Variants in GORAB observed in about 807,000 individuals in gnomAD.
GORAB encodes the protein RAB6-interacting golgin.
Under a neutral mutation model 29.9 loss-of-function variants are expected in GORAB, and 17 were observed. The observed-to-expected ratio is 0.57, with a 90% CI of 0.39 to 0.85. The LOEUF (loss-of-function observed/expected upper bound fraction) is 0.85, where lower values mean the gene tolerates loss of function less well. GORAB is among the 40% of genes least tolerant of loss of function. GORAB has a pLI of 0.00. For synonymous variants in GORAB, 183 were observed against 157.2 expected, an observed-to-expected ratio of 1.16 and a Z score of -1.23; for missense variants, 442 against 437.8, an observed-to-expected ratio of 1.01 and a Z score of -0.09.
At position 170,552,017 on chromosome 1, in the gene GORAB, A is replaced by G. The variant is rs201776076; in HGVS notation, c.665A>G (p.Lys222Arg). 393 of 1,613,530 alleles carry G rather than the reference A, an allele frequency of 2.4e-4. 2 individuals are homozygous for G. The highest frequency in any genetic ancestry group is 3.4e-5 in the Non-Finnish European group (40 of 1,179,578). ...QASLDYSYAR[K>R]RFDRAEAEYI... ...TATCTTTATACACATCCTTACAGGAAGCGGTTTGACAGGGCTGAAGCAGAG... is the reference window on the plus strand; with the variant it reads ...TATCTTTATACACATCCTTACAGGAGGCGGTTTGACAGGGCTGAAGCAGAG... The change falls in exon 5 of 5, where the codon AAG becomes AGG. Residue 222 changes from lysine (K) to arginine (R), a missense_variant and splice_region_variant. Lys to Arg is a conservative substitution (Grantham distance 26, BLOSUM62 2). Coordinates refer to ENST00000367763, the MANE Select transcript of GORAB (RefSeq NM_152281.3).
At chr1:170,543,097 T>C (rs1410377045) in intron 3 of GORAB, among the ~76,000 whole-genome samples, 1 of 152,216 alleles carries the variant, frequency 6.6e-6, no homozygotes, top group Non-Finnish European at 1.5e-5. Context: ...TAACTTTTTA[T>C]TGATGACTCA....
At position 170,552,974 on chromosome 1, in the gene GORAB, T is replaced by C. The variant is rs542774408; in HGVS notation, c.*512T>C. ...ATTATCTATCTGGATATTACTAGAG[T>C]TGTAAAACACAACTTGGAAACTGGA... On this transcript the variant is annotated 3_prime_UTR_variant, in exon 5 of 5. Transcript: ENST00000367763. The C allele has an allele frequency of 4.4e-6, 2 of 452,490 alleles. No homozygotes were observed. The highest frequency in any genetic ancestry group is 8.8e-6 in the Non-Finnish European group (2 of 226,384). 28.0% of individuals were successfully genotyped at this position (452,490 alleles called of 1,614,324 possible). A position where few individuals can be genotyped will look rare whatever the true frequency, so the allele number is the denominator to read the frequency against.
Position 170,552,391 on chromosome 1 carries a change from A to G in GORAB, c.1039A>G (p.Ser347Gly), listed in dbSNP as rs1297016826. ...AGATGACCAGTGTGGAAATTCCAGT[A>G]GCATCCCCTTTCTTAGTCCAAACTG... ...KVDDQCGNSS[S>G]IPFLSPNCPN... The change falls in exon 5 of 5, where the codon AGC becomes GGC. Residue 347 changes from serine to glycine, a missense_variant. By Grantham distance (56) the Ser-to-Gly change is moderately conservative (BLOSUM62 0). Coordinates refer to ENST00000367763, the MANE Select transcript of GORAB (RefSeq NM_152281.3). 1.2e-6 allele frequency: 2 copies of G among 1,614,144 alleles called. No individual in the cohort carries two copies. The highest frequency in any genetic ancestry group is 1.1e-5 in the South Asian group (1 of 91,092).
chr1:170,532,706 G>GA lies in GORAB; in HGVS notation c.61+428dup, dbSNP rs576762612. On this transcript the variant is annotated intron_variant, in intron 1 of 4. Transcript: ENST00000367763. ...ATGAATTTATAGAAGCAGATGGTTG[G>GA]AAAAAAGGAGCACAGGCGTCTGAAT... The GA allele has an allele frequency of 1.5e-3, 293 of 189,038 alleles. 1 individual carries two copies. Among genetic ancestry groups the GA allele is most frequent in the Non-Finnish European group, 2.8e-3 (250 of 88,158 alleles). 11.7% of individuals were successfully genotyped at this position (189,038 alleles called of 1,614,324 possible).
chr1:170,536,511 C>T (rs1408079552), intron 1 of GORAB: 1 of 152,190 alleles, frequency 6.6e-6, no homozygotes, highest in Non-Finnish European at 1.5e-5. Context: ...GGATCTTATA[C>T]ATTACTAGAG....
chr1:170,532,266 A>C lies in GORAB; in HGVS notation c.43A>C (p.Arg15=). The part of the protein sequence containing the change: ...WAGFSEEELR[R]LKQTKDPFEP... ...AGGATTCTCTGAGGAGGAACTGAGG[A>C]GACTAAAGCAGACTAAAGGTTACAA... Residue 15 remains arginine, a synonymous_variant, in exon 1 of 5, where the codon AGA becomes CGA. Coordinates refer to ENST00000367763, the MANE Select transcript of GORAB (RefSeq NM_152281.3). 1 of 1,614,048 alleles carries C rather than the reference A, an allele frequency of 6.2e-7. No homozygotes were observed. The highest frequency in any genetic ancestry group is 8.5e-7 in the Non-Finnish European group (1 of 1,179,934).
At chr1:170,541,070 G>A (rs1571246620) in intron 2 of GORAB, among the ~76,000 whole-genome samples, 1 of 152,116 alleles carries the variant, frequency 6.6e-6, no homozygotes, top group African/African-American at 2.4e-5. Context: ...TGGGCGTGGT[G>A]GTGCATGCCT....
At chr1:170,533,633 C>A in intron 1 of GORAB, 1 of 436,504 alleles carries the variant, frequency 2.3e-6, no homozygotes, top group Non-Finnish European at 4.7e-6. Flanking sequence ...TGTGTGTTAG[C>A]AGAGGCGCAT....
chr1:170,552,302 G>C lies in GORAB; in HGVS notation c.950G>C (p.Ser317Thr), dbSNP rs777465568. The change falls in exon 5 of 5, where the codon AGT becomes ACT. Residue 317 changes from serine (S) to threonine (T), a missense_variant. Ser to Thr is a moderately conservative substitution (Grantham distance 58, BLOSUM62 1). Coordinates refer to ENST00000367763, the MANE Select transcript of GORAB (RefSeq NM_152281.3). The part of the protein sequence containing the change: ...LERPFQPAEE[S>T]VTLEFAKENR... Reference sequence around the variant, plus strand: ...AGGCCATTTCAGCCTGCGGAGGAGAGTGTGACATTAGAATTTGCTAAAGAG... The same window carrying C: ...AGGCCATTTCAGCCTGCGGAGGAGACTGTGACATTAGAATTTGCTAAAGAG... 3.1e-6 allele frequency: 5 copies of C among 1,614,152 alleles called. No homozygotes were observed. The South Asian group carries it at 5.5e-5, about 18-fold the overall frequency.
chr1:170,542,645 A>G, intron 3 of GORAB, 53 bp downstream of exon 3: 1 of 1,137,928 alleles, frequency 8.8e-7, no homozygotes, highest in South Asian at 1.2e-5. Flanking sequence ...CAGTTGTGTC[A>G]TGTGTTATAT....
chr1:170,540,904 A>G (rs2101822802), intron 2 of GORAB, among the ~76,000 whole-genome samples: 1 of 152,266 alleles, frequency 6.6e-6, no homozygotes, highest in African/African-American at 2.4e-5. Flanking sequence ...GTAGAGAATT[A>G]AAGAAATGAG....
intron 2 of GORAB, 22 bp downstream of exon 2, chr1:170,539,589 G>A (rs1385732419): frequency 6.2e-7 from 1 of 1,611,440 alleles, no homozygotes. Context: ...TATGTGAAAA[G>A]TCCATGAGAC....
intron 4 of GORAB, among the ~76,000 whole-genome samples, chr1:170,546,256 G>A (rs1395670851): frequency 1.3e-5 from 2 of 152,080 alleles, no homozygotes; most frequent in African/African-American, 4.8e-5. Flanking sequence ...TGGGCGTGGT[G>A]GTGGGCGCCT....
Position 170,542,609 on chromosome 1 carries a change from A to G in GORAB, c.521+17A>G, listed in dbSNP as rs771016892. 2.6e-6 allele frequency: 4 copies of G among 1,534,180 alleles called. No homozygotes were observed. In the South Asian group the frequency reaches 3.4e-5, roughly 13 times the overall value. On this transcript the variant is annotated intron_variant, in intron 3 of 4. Transcript: ENST00000367763. Reference sequence around the variant, plus strand: ...TGCAGAAAGGTGAGGCACCTGAACCAGGAGAGGCTGTTTGTAACCTGTAAC... The same window carrying G: ...TGCAGAAAGGTGAGGCACCTGAACCGGGAGAGGCTGTTTGTAACCTGTAAC...
chr1:170,545,019 C>G (rs1649670173), intron 4 of GORAB, 174 bp downstream of exon 4: 1 of 1,342,002 alleles, frequency 7.5e-7, no homozygotes, highest in African/African-American at 1.5e-5. Context: ...GTGAAGTCTT[C>G]CTTAACTCTG....
intron 3 of GORAB, among the ~76,000 whole-genome samples, 188 bp downstream of exon 3, chr1:170,542,780 C>T (rs547589164): frequency 6.6e-5 from 10 of 152,182 alleles, no homozygotes; most frequent in African/African-American, 2.4e-4. Context: ...TTAAAGAGAA[C>T]TTTTTAAGCA....
At chr1:170,548,823 C>T (rs961852870) in intron 4 of GORAB, among the ~76,000 whole-genome samples, 6 of 152,060 alleles carry the variant, frequency 3.9e-5, no homozygotes, top group African/African-American at 1.4e-4. Flanking sequence ...AAAAATACTG[C>T]AATAATCCTA....
intron 3 of GORAB, 78 bp downstream of exon 3, chr1:170,542,670 C>A: frequency 1.1e-6 from 1 of 950,974 alleles, no homozygotes; most frequent in Non-Finnish European, 1.7e-6. Flanking sequence ...TTTCCCATGT[C>A]TCTTTTAATA....
intron 4 of GORAB, among the ~76,000 whole-genome samples, chr1:170,550,425 C>A (rs1571260034): frequency 1.3e-5 from 2 of 152,298 alleles, no homozygotes; most frequent in African/African-American, 4.8e-5. Flanking sequence ...TGTGTCGCTT[C>A]TAAGCATTGA....
Sources: gnomAD v4.1 joint callset for allele counts (sites outside exome capture counted in the v4.1 genomes callset) on GRCh38, gnomAD v4.1.1 for gene constraint, MANE v1.5 for transcripts, NCBI Gene and HGNC (gene_info 2026-07-23, HGNC 2026-07-21) for gene names.